Variants in ATXN1 observed in about 807,000 individuals in gnomAD.
The protein encoded by ATXN1 is ataxin-1.
Under a neutral mutation model 56.4 loss-of-function variants are expected in ATXN1, and 8 were observed. The ratio of observed to expected loss-of-function variants is 0.14; its 90% CI spans 0.08 to 0.26. The LOEUF (loss-of-function observed/expected upper bound fraction) is 0.26. Ranked by LOEUF, ATXN1 falls within the 10% of genes least tolerant of loss-of-function variation. The pLI, the probability that ATXN1 is intolerant of heterozygous loss-of-function variation, is 1.00. For synonymous variants in ATXN1, 514 were observed against 494.6 expected, an observed-to-expected ratio of 1.04 and a Z score of -0.52; for missense variants, 987 against 1,106.5, an observed-to-expected ratio of 0.89 and a Z score of 1.53.
At chr6:16,605,132 T>TG (rs1245549756) in intron 3 of ATXN1, among the ~76,000 whole-genome samples, 3 of 152,150 alleles carry the variant, frequency 2.0e-5, no homozygotes, top group Non-Finnish European at 4.4e-5. Flanking sequence ...CTTCCACTAA[T>TG]GCCCAATTAC....
chr6:16,437,632 C>T (rs1759421822), intron 6 of ATXN1, among the ~76,000 whole-genome samples: 1 of 152,234 alleles, frequency 6.6e-6, no homozygotes, highest in Non-Finnish European at 1.5e-5. Flanking sequence ...TATTTTCTAA[C>T]AGAAAACATA....
At chr6:16,389,911 C>T (rs9464892) in intron 6 of ATXN1, among the ~76,000 whole-genome samples, 21,847 of 152,100 alleles carry the variant, frequency 0.14, 1,856 homozygotes, top group African/African-American at 0.23. Context: ...GTCCTGTGTA[C>T]GTTCACCTTT....
At chr6:16,754,804 T>C (rs1760838939) in intron 1 of ATXN1, 1 of 152,222 alleles carries the variant, frequency 6.6e-6, no homozygotes, top group African/African-American at 2.4e-5. Flanking sequence ...TTCAGATCTT[T>C]AGAAGGCACA....
At chr6:16,466,317 C>CAAAAAAAAAAAA (rs200261208) in intron 6 of ATXN1, among the ~76,000 whole-genome samples, 2 of 79,874 alleles carry the variant, frequency 2.5e-5, no homozygotes, top group African/African-American at 5.0e-5. Context: ...GACCCCATCT[C>CAAAAAAAAAAAA]AAAAAAAAAA....
At chr6:16,320,562 G>A (rs942845120) in intron 7 of ATXN1, among the ~76,000 whole-genome samples, 2 of 152,262 alleles carry the variant, frequency 1.3e-5, no homozygotes, top group Middle Eastern at 3.2e-3. Context: ...TAGGAAGGGT[G>A]AGACAGAAGG....
chr6:16,671,996 T>G (rs1245607669), intron 2 of ATXN1, among the ~76,000 whole-genome samples: 1 of 152,224 alleles, frequency 6.6e-6, no homozygotes, highest in Non-Finnish European at 1.5e-5. Flanking sequence ...TTTCTCCAAG[T>G]GTGAGCCAAG....
intron 6 of ATXN1, among the ~76,000 whole-genome samples, chr6:16,360,151 T>G (rs1761778222): frequency 6.6e-6 from 1 of 152,190 alleles, no homozygotes; most frequent in Non-Finnish European, 1.5e-5. Context: ...AGACTAAGAA[T>G]GGCCATTGGA....
intron 6 of ATXN1, among the ~76,000 whole-genome samples, chr6:16,375,826 A>G (rs1338353042): frequency 6.6e-6 from 1 of 152,250 alleles, no homozygotes; most frequent in African/African-American, 2.4e-5. Flanking sequence ...TGAAAGGCCT[A>G]TGGCCAAGGT....
chr6:16,598,418 G>A (rs1308299800), intron 3 of ATXN1, among the ~76,000 whole-genome samples: 1 of 152,174 alleles, frequency 6.6e-6, no homozygotes, highest in Non-Finnish European at 1.5e-5. Context: ...ATATGCATAT[G>A]CATATTTTAA....
At chr6:16,512,041 T>A (rs375693732) in intron 5 of ATXN1, among the ~76,000 whole-genome samples, 14 of 152,312 alleles carry the variant, frequency 9.2e-5, no homozygotes, top group African/African-American at 3.4e-4. Context: ...ACTCATGGGT[T>A]CAATTACCAG....
intron 2 of ATXN1, chr6:16,666,873 C>T (rs1758439456): frequency 6.6e-6 from 1 of 151,852 alleles, no homozygotes; most frequent in South Asian, 2.1e-4. Flanking sequence ...TTTCTTTTAA[C>T]TAAAGGAATA....
chr6:16,579,112 CTG>C (rs1762477167), intron 4 of ATXN1, among the ~76,000 whole-genome samples: 1 of 152,180 alleles, frequency 6.6e-6, no homozygotes, highest in Non-Finnish European at 1.5e-5. Flanking sequence ...GATGATCCCT[CTG>C]TGTCATCGAA....
At chr6:16,602,028 G>A (rs1762921690) in intron 3 of ATXN1, among the ~76,000 whole-genome samples, 1 of 152,088 alleles carries the variant, frequency 6.6e-6, no homozygotes, top group South Asian at 2.1e-4. Context: ...CATGCCAAGG[G>A]ACTTAAGAAA....
At chr6:16,454,203 A>C (rs1759820985) in intron 6 of ATXN1, among the ~76,000 whole-genome samples, 1 of 151,446 alleles carries the variant, frequency 6.6e-6, no homozygotes. Flanking sequence ...CAGTGTGCCA[A>C]GTACTGATTT....
At chr6:16,587,459 A>G (rs1220073907) in intron 3 of ATXN1, among the ~76,000 whole-genome samples, 1 of 152,270 alleles carries the variant, frequency 6.6e-6, no homozygotes, top group African/African-American at 2.4e-5. Flanking sequence ...AATCACTGCA[A>G]CACAAAATGG....
rs1028606013 is a variant in ATXN1, at chr6:16,436,452, C to T, written c.-161+49520G>A. ...TGGTGATAGATGCTAAAAAGTTAAG[C>T]AGAAAAGGGGGCTAGGGTGGTGGTC... On this transcript the variant is annotated intron_variant, in intron 6 of 7. Coordinates refer to ENST00000436367, the MANE Select transcript of ATXN1 (RefSeq NM_001128164.2). 4.6e-5 allele frequency among the ~76,000 whole-genome samples: 7 copies of T among 152,092 alleles called. No individual in the cohort carries two copies. In the East Asian group the frequency reaches 1.4e-3, roughly 29 times the overall value.
rs1257843789 is a variant in ATXN1 at position 16,573,255 on chromosome 6, G to A, written c.-361+12525C>T. On this transcript the variant is annotated intron_variant, in intron 4 of 7. Coordinates refer to ENST00000436367, the MANE Select transcript of ATXN1 (RefSeq NM_001128164.2). ...CCTCGATGTAGGCATGCAAATATCT[G>A]CTGAATGGATTATTTCAGTTATGGA... is the stretch of plus-strand genomic sequence containing the variant. Among the ~76,000 whole-genome samples, 3 of 152,088 alleles carry A rather than the reference G, an allele frequency of 2.0e-5. No individual in the cohort carries two copies. In the East Asian group the frequency reaches 5.8e-4, roughly 29 times the overall value.
At chr6:16,476,184 C>T (rs537780080) in intron 6 of ATXN1, among the ~76,000 whole-genome samples, 1 of 152,146 alleles carries the variant, frequency 6.6e-6, no homozygotes, top group Non-Finnish European at 1.5e-5. Context: ...TTGATTAACG[C>T]CTACCCCTGT....
rs1281449777 is a variant in ATXN1, at chr6:16,326,370, C to CT, written c.1917+23dup. The CT allele has an allele frequency of 6.2e-7, 1 of 1,609,762 alleles. No individual in the cohort carries two copies. The highest frequency in any genetic ancestry group is 1.3e-5 in the African/African-American group (1 of 74,832). ...GGCATCACGGTGTGGTGTCCCATCC[C>CT]TGTGCCACCCTGGCTAACGTTACCT... On this transcript the variant is annotated intron_variant, in intron 7 of 7. Transcript: ENST00000436367. The surrounding 1 kb of genome is among the most constrained non-coding windows in gnomAD (Gnocchi z 6.6).
Sources: allele counts gnomAD v4.1 joint callset (sites outside exome capture counted in the v4.1 genomes callset), GRCh38; gene constraint gnomAD v4.1.1; non-coding constraint Gnocchi (gnomAD v3.1); transcripts MANE v1.5; gene names NCBI Gene and HGNC (gene_info 2026-07-23, HGNC 2026-07-21).